KIF11: variants seen among roughly 807,000 people sequenced by gnomAD.
KIF11 encodes kinesin-like protein KIF11.
In KIF11, 9 loss-of-function variants were observed where a neutral mutation model predicts 121.0. The ratio of observed to expected loss-of-function variants is 0.07; its 90% CI spans 0.04 to 0.13. KIF11 has a LOEUF of 0.13. KIF11 is among the 10% of genes least tolerant of loss of function. The pLI is 1.00. For synonymous variants in KIF11, 408 were observed against 421.0 expected (o/e 0.97, Z 0.38); for missense variants, 846 against 1,217.5 (o/e 0.69, Z 4.54).
chr10:92,614,021 TACAC>T (rs71028831), intron 8 of KIF11, among the ~76,000 whole-genome samples: 11,697 of 126,674 alleles, frequency 0.092, 652 homozygotes, highest in Non-Finnish European at 0.11. Context: ...AGTATGTGTA[TACAC>T]ACACACACAC....
At chr10:92,609,606 T>C in intron 6 of KIF11, 97 bp downstream of exon 6, 8 of 1,146,362 alleles carry the variant, frequency 7.0e-6, no homozygotes, top group Non-Finnish European at 9.9e-6. Context: ...GGTATGTGGG[T>C]CACGTACCTA....
intron 10 of KIF11, among the ~76,000 whole-genome samples, chr10:92,626,681 C>T (rs533216443): frequency 6.6e-6 from 1 of 152,270 alleles, no homozygotes; most frequent in South Asian, 2.1e-4. Flanking sequence ...TGTTGTATTA[C>T]CCCTTGGCAT....
At chr10:92,619,818 A>T (rs2135908895) in intron 9 of KIF11, among the ~76,000 whole-genome samples, 1 of 150,370 alleles carries the variant, frequency 6.7e-6, no homozygotes, top group Admixed American at 6.6e-5. Flanking sequence ...TTGCATATTT[A>T]TATATAACAT....
intron 4 of KIF11, among the ~76,000 whole-genome samples, chr10:92,607,953 G>A (rs951093808): frequency 3.3e-5 from 5 of 151,656 alleles, no homozygotes; most frequent in Admixed American, 2.0e-4. Flanking sequence ...TCAGCAGTTC[G>A]AGACCAGCCT....
chr10:92,633,887 A>T (rs1844764912), intron 14 of KIF11, 92 bp downstream of exon 14: 2 of 817,862 alleles, frequency 2.4e-6, no homozygotes, highest in Non-Finnish European at 3.9e-6. Flanking sequence ...AAGTCTTTAT[A>T]AACAATGTTA....
intron 17 of KIF11, among the ~76,000 whole-genome samples, chr10:92,640,689 C>A (rs1844855674): frequency 6.6e-6 from 1 of 152,166 alleles, no homozygotes; most frequent in Non-Finnish European, 1.5e-5. Context: ...CTCGGCCTCC[C>A]AAAGTGCTGG....
chr10:92,614,039 C>T lies in KIF11; in HGVS notation c.1032+420C>T, dbSNP rs1322385540. Among the ~76,000 whole-genome samples, 156 of 144,572 alleles carry T rather than the reference C, an allele frequency of 1.1e-3. 1 individual carries two copies. Among genetic ancestry groups the T allele is most frequent in the African/African-American group, 3.1e-3 (122 of 39,382 alleles). The allele number at this position is 144,572 out of a possible 152,430, so 94.8% of individuals were successfully genotyped here. On this transcript the variant is annotated intron_variant, in intron 8 of 21. Transcript: ENST00000260731. ...ATGTGTATACACACACACACACACA[C>T]ACACACACACACACACACACACACA...
intron 1 of KIF11, among the ~76,000 whole-genome samples, chr10:92,600,682 GTT>G (rs1844359188): frequency 6.6e-6 from 1 of 150,986 alleles, no homozygotes; most frequent in African/African-American, 2.4e-5. Flanking sequence ...AGTTTTTGTA[GTT>G]TTAGTAGAGA....
At chr10:92,643,634 G>A (rs556000619) in intron 17 of KIF11, among the ~76,000 whole-genome samples, 2 of 143,716 alleles carry the variant, frequency 1.4e-5, no homozygotes, top group Admixed American at 1.5e-4. Context: ...TTGGCTCACT[G>A]CAACCTCTGC....
intron 10 of KIF11, among the ~76,000 whole-genome samples, chr10:92,626,273 A>G (rs776142193): frequency 1.2e-4 from 18 of 152,306 alleles, no homozygotes; most frequent in Non-Finnish European, 2.5e-4. Context: ...CCACACACCT[A>G]CAGCCATCTG....
At position 92,650,353 on chromosome 10, in the gene KIF11, G is replaced by T. The variant is rs1204114606; in HGVS notation, c.2923-48G>T. 3 of 1,065,142 alleles carry T rather than the reference G, an allele frequency of 2.8e-6. No homozygotes were observed. In the South Asian group the frequency reaches 3.8e-5, roughly 14 times the overall value. 66.0% of individuals were successfully genotyped at this position (1,065,142 alleles called of 1,614,324 possible). On this transcript the variant is annotated intron_variant, in intron 20 of 21. Coordinates refer to ENST00000260731, the MANE Select transcript of KIF11 (RefSeq NM_004523.4). ...TCAAAGCTGCTGTTACTCTTGTGAT[G>T]ACTTTTAAGCCCTTGGACTTAGTCA...
chr10:92,611,685 G>A (rs1007371581), intron 6 of KIF11, among the ~76,000 whole-genome samples: 8 of 152,022 alleles, frequency 5.3e-5, no homozygotes, highest in African/African-American at 1.7e-4. Flanking sequence ...GATCACTTGA[G>A]GTCCGGAGTT....
At chr10:92,639,544 G>C (rs1844842431) in intron 16 of KIF11, among the ~76,000 whole-genome samples, 1 of 152,116 alleles carries the variant, frequency 6.6e-6, no homozygotes. Flanking sequence ...AGTGAGCCTT[G>C]ATTGTGCCAC....
In KIF11 at chr10:92,609,079, T is replaced by G. The variant is rs752400095; in HGVS notation, c.447T>G (p.Asp149Glu). The G allele has an allele frequency of 1.9e-6, 3 of 1,603,216 alleles. No homozygotes were observed. Among genetic ancestry groups the G allele is most frequent in the Non-Finnish European group, 2.6e-6 (3 of 1,174,430 alleles). The change falls in exon 5 of 22, where the codon GAT becomes GAG. Residue 149 changes from aspartate (D) to glutamate (E), a missense_variant. Physicochemically the swap from Asp to Glu is conservative, Grantham distance 45. This residue lies in a region of KIF11 where 140 missense variants were observed against 193.5 expected (regional missense o/e 0.72). Transcript: ENST00000260731. ...TLHQIFEKLTDNGTEFSVKVS... is the reference protein window; with the variant it reads ...TLHQIFEKLTENGTEFSVKVS... ...ATCAAATTTTTGAGAAACTTACTGA[T>G]AATGGTACTGAATTTTCAGTCAAAG...
At chr10:92,597,571 C>CT (rs560756327) in intron 1 of KIF11, among the ~76,000 whole-genome samples, 167 of 151,622 alleles carry the variant, frequency 1.1e-3, no homozygotes, top group African/African-American at 3.8e-3. Flanking sequence ...CCAGAGTTCT[C>CT]TTTTTTTTAC....
intron 11 of KIF11, among the ~76,000 whole-genome samples, chr10:92,629,554 T>C (rs1844714397): frequency 6.6e-6 from 1 of 152,166 alleles, no homozygotes; most frequent in African/African-American, 2.4e-5. Flanking sequence ...GTAATATAAC[T>C]AGGGTAGGCA....
At chr10:92,643,427 CCT>C in intron 17 of KIF11, among the ~76,000 whole-genome samples, 1 of 152,018 alleles carries the variant, frequency 6.6e-6, no homozygotes, top group South Asian at 2.1e-4. Flanking sequence ...ATAGTATATT[CCT>C]GTTTCCTCTT....
At chr10:92,602,465 C>G (rs895483525) in intron 1 of KIF11, among the ~76,000 whole-genome samples, 3 of 152,050 alleles carry the variant, frequency 2.0e-5, no homozygotes, top group African/African-American at 7.2e-5. Context: ...TTCAGAATTT[C>G]CATTTCTTTG....
chr10:92,626,998 G>A (rs1302378703), intron 10 of KIF11, among the ~76,000 whole-genome samples: 4 of 152,098 alleles, frequency 2.6e-5, no homozygotes, highest in African/African-American at 4.8e-5. Context: ...TGCTGACTTC[G>A]TGATCTTCCC....
Sources: gnomAD v4.1 joint callset for allele counts (sites outside exome capture counted in the v4.1 genomes callset) on GRCh38, gnomAD v4.1.1 for gene constraint, gnomAD v4.1.1 regional missense constraint, MANE v1.5 for transcripts, NCBI Gene and HGNC (gene_info 2026-07-23, HGNC 2026-07-21) for gene names.